Variants in IMMP2L observed in about 807,000 individuals in gnomAD.
IMMP2L encodes the protein inner mitochondrial membrane peptidase subunit 2.
IMMP2L carries 18 observed loss-of-function variants against 19.3 expected under a neutral mutation model. The ratio of observed to expected loss-of-function variants is 0.93; its 90% CI spans 0.64 to 1.38. The LOEUF (loss-of-function observed/expected upper bound fraction) is 1.38, where lower values mean the gene tolerates loss of function less well. IMMP2L is among the 40% of genes most tolerant of loss of function. The pLI, the probability that IMMP2L is intolerant of heterozygous loss-of-function variation, is 0.00. For synonymous variants in IMMP2L, 76 were observed against 73.0 expected, an observed-to-expected ratio of 1.04 and a Z score of -0.21; for missense variants, 233 against 218.2, an observed-to-expected ratio of 1.07 and a Z score of -0.43.
At chr7:110,789,315 G>A (rs972829268) in intron 5 of IMMP2L, among the ~76,000 whole-genome samples, 2 of 151,770 alleles carry the variant, frequency 1.3e-5, no homozygotes, top group Admixed American at 6.6e-5. Flanking sequence ...CACTAAGTTT[G>A]TTATGATGAT....
chr7:111,447,333 A>G (rs1260889429), intron 3 of IMMP2L, among the ~76,000 whole-genome samples: 1 of 136,898 alleles, frequency 7.3e-6, no homozygotes, highest in Non-Finnish European at 1.6e-5. Flanking sequence ...CTCAAAGGGA[A>G]GCCCATCAGA....
At chr7:111,262,490 G>A (rs946625194) in intron 3 of IMMP2L, among the ~76,000 whole-genome samples, 1 of 152,016 alleles carries the variant, frequency 6.6e-6, no homozygotes, top group African/African-American at 2.4e-5. Context: ...TGGGAGTGGG[G>A]GTTGAAGAGA....
chr7:110,912,938 A>G (rs1813216621), intron 4 of IMMP2L, among the ~76,000 whole-genome samples: 1 of 152,018 alleles, frequency 6.6e-6, no homozygotes, highest in Non-Finnish European at 1.5e-5. Context: ...AAGGACACAC[A>G]TGGCTAGAGA....
intron 3 of IMMP2L, among the ~76,000 whole-genome samples, chr7:111,408,529 G>A (rs1299057899): frequency 1.3e-5 from 2 of 151,666 alleles, no homozygotes; most frequent in African/African-American, 2.4e-5. Context: ...TCATATCACA[G>A]AACTGCAAGC....
intron 3 of IMMP2L, among the ~76,000 whole-genome samples, chr7:111,328,662 T>C (rs999098663): frequency 8.6e-5 from 13 of 151,768 alleles, no homozygotes; most frequent in African/African-American, 2.9e-4. Context: ...CTCATGCCCA[T>C]GGGTGGGATG....
intron 3 of IMMP2L, among the ~76,000 whole-genome samples, chr7:111,169,074 C>T (rs774696586): frequency 6.6e-6 from 1 of 151,816 alleles, no homozygotes; most frequent in Non-Finnish European, 1.5e-5. Flanking sequence ...AGGTAATTTG[C>T]AAAAACAGCA....
At chr7:110,965,856 CT>C (rs1283001552) in intron 3 of IMMP2L, among the ~76,000 whole-genome samples, 4 of 151,942 alleles carry the variant, frequency 2.6e-5, no homozygotes, top group African/African-American at 9.7e-5. Context: ...TCTATATAAA[CT>C]GTTTGGTCAT....
At chr7:111,074,268 T>C (rs1795201238) in intron 3 of IMMP2L, among the ~76,000 whole-genome samples, 1 of 152,272 alleles carries the variant, frequency 6.6e-6, no homozygotes, top group South Asian at 2.1e-4. Flanking sequence ...GACTGTCATC[T>C]TTCCACCTAC....
chr7:111,145,542 A>C (rs780087336), intron 3 of IMMP2L, among the ~76,000 whole-genome samples: 2 of 152,148 alleles, frequency 1.3e-5, no homozygotes, highest in Non-Finnish European at 2.9e-5. Flanking sequence ...AATGGATTTG[A>C]TAATAAAATC....
intron 3 of IMMP2L, among the ~76,000 whole-genome samples, chr7:111,108,388 T>C (rs747533632): frequency 4.4e-4 from 67 of 152,170 alleles, no homozygotes; most frequent in Non-Finnish European, 9.0e-4. Flanking sequence ...TGGTTTTCTA[T>C]GTTCTCCAAA....
At chr7:110,739,012 G>C (rs1391219878) in intron 5 of IMMP2L, among the ~76,000 whole-genome samples, 2 of 152,174 alleles carry the variant, frequency 1.3e-5, no homozygotes, top group Admixed American at 1.3e-4. Context: ...AATAAATGCT[G>C]AGAGAATTCG....
intron 3 of IMMP2L, among the ~76,000 whole-genome samples, chr7:111,425,963 A>T (rs1187264166): frequency 2.6e-5 from 4 of 151,158 alleles, no homozygotes; most frequent in Non-Finnish European, 5.9e-5. Context: ...TCTCTTCTAA[A>T]TGCTACAGAA....
chr7:110,928,289 A>T (rs1389780240), intron 4 of IMMP2L, among the ~76,000 whole-genome samples: 1 of 151,494 alleles, frequency 6.6e-6, no homozygotes, highest in Non-Finnish European at 1.5e-5. Flanking sequence ...ATAAAGAAAA[A>T]TTTATTATCC....
intron 1 of IMMP2L, among the ~76,000 whole-genome samples, chr7:111,525,796 T>C (rs1359610733): frequency 6.6e-6 from 1 of 151,862 alleles, no homozygotes; most frequent in Non-Finnish European, 1.5e-5. Flanking sequence ...TCCTCAAACT[T>C]TTTTTTTGGC....
intron 4 of IMMP2L, among the ~76,000 whole-genome samples, chr7:110,956,916 A>C (rs1260912417): frequency 6.6e-6 from 1 of 152,024 alleles, no homozygotes; most frequent in Non-Finnish European, 1.5e-5. Context: ...CTTTGCATTC[A>C]TTTTATGGTT....
rs374215410 is a variant in IMMP2L, at chr7:110,870,327, G to A, written c.408+16266C>T. On this transcript the variant is annotated intron_variant, in intron 5 of 5. Coordinates refer to ENST00000405709, the MANE Select transcript of IMMP2L (RefSeq NM_032549.4). The surrounding 1 kb of genome is among the most constrained non-coding windows in gnomAD (Gnocchi z 4.2). ...TCTTATTTCTGAACCAGAAGGCATC[G>A]CGAGTGCTAAACTCACTCACAGAAC... is the stretch of plus-strand genomic sequence containing the variant. 5.9e-5 allele frequency among the ~76,000 whole-genome samples: 9 copies of A among 152,030 alleles called. No individual in the cohort carries two copies. Among genetic ancestry groups the A allele is most frequent in the African/African-American group, 1.9e-4 (8 of 41,488 alleles).
intron 5 of IMMP2L, among the ~76,000 whole-genome samples, chr7:110,829,031 T>A (rs1200717474): frequency 6.6e-6 from 1 of 152,190 alleles, no homozygotes; most frequent in Non-Finnish European, 1.5e-5. Context: ...ACTTCATATA[T>A]GTATGGCTAT....
At chr7:111,157,278 T>A (rs1804745709) in intron 3 of IMMP2L, among the ~76,000 whole-genome samples, 1 of 152,112 alleles carries the variant, frequency 6.6e-6, no homozygotes, top group Admixed American at 6.6e-5. Context: ...TGTATTCCCA[T>A]GTTTGTTGCA....
chr7:110,977,766 T>C (rs1820852483), intron 3 of IMMP2L, among the ~76,000 whole-genome samples: 1 of 151,864 alleles, frequency 6.6e-6, no homozygotes, highest in Admixed American at 6.6e-5. Context: ...TCTTCTTCCT[T>C]AGAACCTTCT....
Sources: gnomAD v4.1 joint callset for allele counts (sites outside exome capture counted in the v4.1 genomes callset) on GRCh38, gnomAD v4.1.1 for gene constraint, Gnocchi (gnomAD v3.1) non-coding constraint, MANE v1.5 for transcripts, NCBI Gene and HGNC (gene_info 2026-07-23, HGNC 2026-07-21) for gene names.